PACRG: variants seen among roughly 807,000 people sequenced by gnomAD.
The protein encoded by PACRG is parkin coregulated, also known as parkin coregulated gene protein.
In PACRG, 29 loss-of-function variants were observed where a neutral mutation model predicts 29.7. The ratio of observed to expected loss-of-function variants is 0.98; its 90% CI spans 0.73 to 1.33. The LOEUF (loss-of-function observed/expected upper bound fraction) is 1.33. Ranked by LOEUF, PACRG falls within the 40% of genes most tolerant of loss-of-function variation. The probability of loss-of-function intolerance (pLI) is 0.00; values close to 1 mark genes in which losing one functional copy is unlikely to be tolerated. For missense variants in PACRG, 279 were observed against 316.2 expected (o/e 0.88, Z 0.89); for synonymous variants, 116 against 118.7 (o/e 0.98, Z 0.15).
chr6:163,231,147 T>C (rs1390498997), intron 4 of PACRG, among the ~76,000 whole-genome samples: 2 of 152,112 alleles, frequency 1.3e-5, no homozygotes, highest in Non-Finnish European at 2.9e-5. Context: ...GCTGGCAAGG[T>C]GGGCAGGCCC....
In PACRG at chr6:163,269,888, AG is replaced by A. The variant is rs1783696257; in HGVS notation, c.614-44938del. On this transcript the variant is annotated intron_variant, in intron 4 of 4. Coordinates refer to ENST00000366888, the MANE Select transcript of PACRG (RefSeq NM_001080379.2). ...GAAAGAGAAAGAAAGAAAGAAAGAA[AG>A]AAAACAAAGAAAGAAAGAAAGAAAG... Among the ~76,000 whole-genome samples, 10 of 43,306 alleles carry A rather than the reference AG, an allele frequency of 2.3e-4. 1 individual carries two copies. The highest frequency in any genetic ancestry group is 7.8e-4 in the Admixed American group (4 of 5,098). 28.4% of individuals were successfully genotyped at this position (43,306 alleles called of 152,430 possible). A position where few individuals can be genotyped will look rare whatever the true frequency, so the allele number is the denominator to read the frequency against.
At chr6:163,119,443 C>T (rs1816163621) in intron 4 of PACRG, among the ~76,000 whole-genome samples, 3 of 152,160 alleles carry the variant, frequency 2.0e-5, no homozygotes, top group Non-Finnish European at 1.5e-5. Context: ...TTTCCTGGCA[C>T]GATGATCAAG....
chr6:162,942,065 C>T (rs1798671108), intron 2 of PACRG, among the ~76,000 whole-genome samples: 1 of 152,176 alleles, frequency 6.6e-6, no homozygotes, highest in Non-Finnish European at 1.5e-5. Flanking sequence ...TCTAAGCCAC[C>T]TTTGCAGAAC....
chr6:162,815,308 C>A (rs1395374006), intron 2 of PACRG, among the ~76,000 whole-genome samples: 2 of 151,124 alleles, frequency 1.3e-5, no homozygotes, highest in African/African-American at 4.9e-5. Flanking sequence ...AATAAAAGTA[C>A]AAATCAGAGA....
intron 2 of PACRG, among the ~76,000 whole-genome samples, chr6:163,032,889 G>A (rs1807799512): frequency 6.6e-6 from 1 of 152,034 alleles, no homozygotes; most frequent in African/African-American, 2.4e-5. Context: ...TCATAAGCAG[G>A]TTTTTGCTCT....
chr6:162,853,954 A>T lies in PACRG; in HGVS notation c.291+39673A>T, dbSNP rs1791142929. 1.3e-5 allele frequency among the ~76,000 whole-genome samples: 2 copies of T among 152,040 alleles called. No homozygotes were observed. Reference sequence around the variant, plus strand: ...TCCATGCTAGGTATAAATATTAACTATTATTATTAATATCATTAGTATCAT... The same window carrying T: ...TCCATGCTAGGTATAAATATTAACTTTTATTATTAATATCATTAGTATCAT... On this transcript the variant is annotated intron_variant, in intron 2 of 4. Coordinates refer to ENST00000366888, the MANE Select transcript of PACRG (RefSeq NM_001080379.2). The surrounding 1 kb of genome is among the most constrained non-coding windows in gnomAD (Gnocchi z 4.7).
In PACRG at chr6:163,293,419, A is replaced by G. The variant is rs528965864; in HGVS notation, c.614-21408A>G. ...GGTAAGAAAGTGCAACAGTTAAAGC[A>G]ATACAACGGAGTGAAGCCTCCTGTG... On this transcript the variant is annotated intron_variant, in intron 4 of 4. Coordinates refer to ENST00000366888, the MANE Select transcript of PACRG (RefSeq NM_001080379.2). Among the ~76,000 whole-genome samples the G allele has an allele frequency of 5.9e-5, 9 of 152,356 alleles. No individual in the cohort carries two copies. In the East Asian group the frequency reaches 1.5e-3, roughly 26 times the overall value.
At chr6:163,310,535 CG>C (rs1265924886) in intron 4 of PACRG, 1 of 152,228 alleles carries the variant, frequency 6.6e-6, no homozygotes, top group Admixed American at 6.5e-5. Flanking sequence ...CCACGACCCA[CG>C]GCGTTCTGCA....
chr6:162,764,326 A>T (rs1388349020), intron 1 of PACRG, among the ~76,000 whole-genome samples: 1 of 152,156 alleles, frequency 6.6e-6, no homozygotes, highest in East Asian at 1.9e-4. Context: ...CATAAATTTC[A>T]TTGCAAAAAT....
intron 2 of PACRG, among the ~76,000 whole-genome samples, chr6:162,953,741 A>G (rs1333921464): frequency 7.0e-6 from 1 of 143,582 alleles, no homozygotes; most frequent in Non-Finnish European, 1.5e-5. Flanking sequence ...TTGTTCCACT[A>G]GCAAATGTTA....
chr6:162,910,784 ACATGGAAG>A (rs1268269376), intron 2 of PACRG, among the ~76,000 whole-genome samples: 4 of 152,236 alleles, frequency 2.6e-5, no homozygotes, highest in Admixed American at 2.6e-4. Context: ...TAAGAGGGCA[ACATGGAAG>A]CAGTAGCAGT....
intron 4 of PACRG, among the ~76,000 whole-genome samples, chr6:163,158,154 C>T (rs569677425): frequency 3.9e-5 from 6 of 152,174 alleles, no homozygotes; most frequent in African/African-American, 1.4e-4. Flanking sequence ...ATTGGACCTT[C>T]ATCTATGTGT....
At chr6:163,065,953 A>T (rs1242448176) in intron 3 of PACRG, among the ~76,000 whole-genome samples, 1 of 152,232 alleles carries the variant, frequency 6.6e-6, no homozygotes, top group Non-Finnish European at 1.5e-5. Flanking sequence ...ATAGAACACA[A>T]AAGAGTTAAA....
intron 1 of PACRG, among the ~76,000 whole-genome samples, chr6:162,752,544 C>G (rs113553689): frequency 4.6e-5 from 7 of 152,248 alleles, no homozygotes; most frequent in African/African-American, 1.7e-4. Flanking sequence ...TTAAAATATT[C>G]CCAAAGCCCC....
rs150319228 is a variant in PACRG, at chr6:163,096,803, A to G, written c.613+7395A>G. Among the ~76,000 whole-genome samples, 27 of 148,010 alleles carry G rather than the reference A, an allele frequency of 1.8e-4. No individual in the cohort carries two copies. In the East Asian group the frequency reaches 5.0e-3, roughly 27 times the overall value. On this transcript the variant is annotated intron_variant, in intron 4 of 4. Transcript: ENST00000366888. The stretch of plus-strand genomic sequence containing the variant: ...GAGAACCAAATACATGTGGCTTTAT[A>G]TGGTCCTTCCAAGAAAATTAAGTGA...
At chr6:163,167,681 A>C (rs935398755) in intron 4 of PACRG, among the ~76,000 whole-genome samples, 1 of 152,206 alleles carries the variant, frequency 6.6e-6, no homozygotes, top group Non-Finnish European at 1.5e-5. Context: ...TTTTTCTAAA[A>C]TGAAAAAAAT....
chr6:163,197,640 G>A (rs1203421284), intron 4 of PACRG, among the ~76,000 whole-genome samples: 2 of 151,538 alleles, frequency 1.3e-5, no homozygotes, highest in South Asian at 2.1e-4. Flanking sequence ...TAGTAGAGAC[G>A]GGGTTTCACC....
chr6:163,228,182 A>C (rs917909718), intron 4 of PACRG, among the ~76,000 whole-genome samples: 2 of 152,114 alleles, frequency 1.3e-5, no homozygotes, highest in Admixed American at 1.3e-4. Context: ...TCAGTGTGAC[A>C]AAAATCCATG....
chr6:163,003,810 C>T lies in PACRG; in HGVS notation c.292-58340C>T, dbSNP rs139683430. Among the ~76,000 whole-genome samples, 1,046 of 152,204 alleles carry T rather than the reference C, an allele frequency of 6.9e-3. 14 individuals are homozygous for T. The highest frequency in any genetic ancestry group is 0.023 in the African/African-American group (951 of 41,518). On this transcript the variant is annotated intron_variant, in intron 2 of 4. Transcript: ENST00000366888. ...TTAAATACATTAGCCTTAATCCTCT[C>T]GATAATTATTTAAGATAGCATTGCA...
Sources: allele counts gnomAD v4.1 joint callset (sites outside exome capture counted in the v4.1 genomes callset), GRCh38; gene constraint gnomAD v4.1.1; non-coding constraint Gnocchi (gnomAD v3.1); transcripts MANE v1.5; gene names NCBI Gene and HGNC (gene_info 2026-07-23, HGNC 2026-07-21).